Variants in RGMA observed in about 807,000 individuals in gnomAD.
RGMA encodes repulsive guidance molecule BMP co-receptor a.
A neutral mutation model predicts 23.2 loss-of-function variants in RGMA; 10 were observed. The ratio of observed to expected loss-of-function variants is 0.43; its 90% confidence interval spans 0.27 to 0.73. RGMA has a LOEUF of 0.73. Among genes scored for constraint, RGMA ranks in the 30% least tolerant of loss-of-function variants. RGMA has a pLI of 0.20. For synonymous variants in RGMA, 308 were observed against 279.3 expected, an observed-to-expected ratio of 1.10 and a Z score of -1.03; for missense variants, 547 against 630.5, an observed-to-expected ratio of 0.87 and a Z score of 1.42.
At chr15:93,074,854 A>G (rs1300723158) in intron 1 of RGMA, among the ~76,000 whole-genome samples, 1 of 152,216 alleles carries the variant, frequency 6.6e-6, no homozygotes, top group African/African-American at 2.4e-5. Context: ...CCTTTCCACT[A>G]ATTAACACCA....
In RGMA at chr15:93,036,654, T is replaced by C. The variant is rs1287139509; in HGVS notation, c.*8344A>G. 2 of 152,244 alleles carry C rather than the reference T, an allele frequency of 1.3e-5. No homozygotes were observed. The highest frequency in any genetic ancestry group is 4.8e-5 in the African/African-American group (2 of 41,450). The allele number at this position is 152,244 out of a possible 1,614,324, so 9.4% of individuals were successfully genotyped here. On this transcript the variant is annotated 3_prime_UTR_variant, in exon 4 of 4. Transcript: ENST00000329082. Reference sequence around the variant, plus strand: ...GCTCACCCCAGAACCAGAGCCCTGGTTTGACTCCGCCCCTGCTGTGGGGCT... The same window carrying C: ...GCTCACCCCAGAACCAGAGCCCTGGCTTGACTCCGCCCCTGCTGTGGGGCT...
In RGMA at chr15:93,045,392, G is replaced by A. The variant is rs554324171; in HGVS notation, c.959C>T (p.Pro320Leu). The A allele has an allele frequency of 6.2e-7, 1 of 1,613,158 alleles. No homozygotes were observed. The change falls in exon 4 of 4, where the codon CCC becomes CTC. Residue 320 changes from proline (P) to leucine (L), a missense_variant. Physicochemically the swap from Pro to Leu is moderately conservative, Grantham distance 98. Coordinates refer to ENST00000329082, the MANE Select transcript of RGMA (RefSeq NM_020211.3). This position sits in a 1 kb window ranked among gnomAD's most constrained non-coding sequence, Gnocchi z 6.9. ...QGLYLCLRGC[P>L]LNQQIDFQAF... Reference sequence around the variant, plus strand: ...CTGGAAGTCGATCTGCTGGTTGAGGGGGCAGCCCCGCAGGCAGAGGTAGAG... The same window carrying A: ...CTGGAAGTCGATCTGCTGGTTGAGGAGGCAGCCCCGCAGGCAGAGGTAGAG...
chr15:93,070,419 G>A (rs1246537342), intron 2 of RGMA, among the ~76,000 whole-genome samples: 9 of 152,166 alleles, frequency 5.9e-5, no homozygotes, highest in African/African-American at 2.2e-4. Context: ...GGCCCCCAGT[G>A]TGTCTGGGTG....
Position 93,081,609 on chromosome 15 carries a change from C to G in RGMA, c.14+7310G>C, listed in dbSNP as rs74838183. 9.2e-5 allele frequency among the ~76,000 whole-genome samples: 14 copies of G among 152,334 alleles called. No individual in the cohort carries two copies. In the East Asian group the frequency reaches 2.5e-3, roughly 27 times the overall value. On this transcript the variant is annotated intron_variant, in intron 1 of 3. Coordinates refer to ENST00000329082, the MANE Select transcript of RGMA (RefSeq NM_020211.3). Reference sequence around the variant, plus strand: ...CTTGGGAGAAGAACTGTCTTGGAACCATTTATCCACCAAATGGCAACTGTC... The same window carrying G: ...CTTGGGAGAAGAACTGTCTTGGAACGATTTATCCACCAAATGGCAACTGTC...
chr15:93,080,487 C>T (rs1320515242), intron 1 of RGMA, among the ~76,000 whole-genome samples: 1 of 152,214 alleles, frequency 6.6e-6, no homozygotes, highest in Non-Finnish European at 1.5e-5. Context: ...GAGGTTTGGG[C>T]AGCTCTGGGT....
Position 93,045,660 on chromosome 15 carries a change from C to A in RGMA, c.691G>T (p.Val231Leu). 6.2e-7 allele frequency: 1 copy of A among 1,608,796 alleles called. No homozygotes were observed. ...KNFQECVDQK[V>L]YQAEMDELPA... ...AGCTCGTCCATCTCAGCCTGGTACA[C>A]CTTCTGGTCCACACACTCCTGGAAG... Residue 231 changes from valine (V) to leucine (L), a missense_variant, in exon 4 of 4, where the codon GTG becomes TTG. Val to Leu is a conservative substitution (Grantham distance 32). Coordinates refer to ENST00000329082, the MANE Select transcript of RGMA (RefSeq NM_020211.3). The surrounding 1 kb of genome is among the most constrained non-coding windows in gnomAD (Gnocchi z 6.9).
intron 2 of RGMA, among the ~76,000 whole-genome samples, chr15:93,067,197 C>T (rs573303218): frequency 1.3e-5 from 2 of 152,166 alleles, no homozygotes; most frequent in Non-Finnish European, 1.5e-5. Context: ...ATTACTTATC[C>T]CTTTCAGCTT....
intron 2 of RGMA, among the ~76,000 whole-genome samples, chr15:93,060,308 C>T (rs905435525): frequency 2.0e-5 from 3 of 152,196 alleles, no homozygotes; most frequent in African/African-American, 7.2e-5. Context: ...GTATTATGTG[C>T]ACTGCATGTC....
chr15:93,088,132 T>C, intron 1 of RGMA: 2 of 493,578 alleles, frequency 4.1e-6, no homozygotes, highest in Non-Finnish European at 5.3e-6. Context: ...CAGGCTCCCA[T>C]TAGAAATCTC....
rs1002402824 is a variant in RGMA at position 93,037,503 on chromosome 15, G to A, written c.*7495C>T. On this transcript the variant is annotated 3_prime_UTR_variant, in exon 4 of 4. Transcript: ENST00000329082. The surrounding 1 kb of genome is among the most constrained non-coding windows in gnomAD (Gnocchi z 4.3). ...TTGACGGGGTGCTTTGGGGACTGCTGCTTCCCATATTGCCAACTGCCTTAT... is the reference window on the plus strand; with the variant it reads ...TTGACGGGGTGCTTTGGGGACTGCTACTTCCCATATTGCCAACTGCCTTAT... The A allele has an allele frequency of 6.6e-6, 1 of 152,404 alleles. No individual in the cohort carries two copies. Among genetic ancestry groups the A allele is most frequent in the Non-Finnish European group, 1.5e-5 (1 of 68,174 alleles). 9.4% of individuals were successfully genotyped at this position (152,404 alleles called of 1,614,324 possible).
chr15:93,075,818 CT>C (rs755683311), intron 1 of RGMA, among the ~76,000 whole-genome samples: 115 of 152,104 alleles, frequency 7.6e-4, no homozygotes, highest in Middle Eastern at 6.8e-3. Context: ...GCACAAAAGG[CT>C]TTTTTTCCCC....
chr15:93,062,607 G>A (rs1179368175), intron 2 of RGMA: 1 of 152,284 alleles, frequency 6.6e-6, no homozygotes, highest in East Asian at 1.9e-4. Flanking sequence ...TTGCTCTCTG[G>A]TGCAGGGATT....
At chr15:93,074,900 A>G (rs1895445890) in intron 1 of RGMA, among the ~76,000 whole-genome samples, 1 of 152,202 alleles carries the variant, frequency 6.6e-6, no homozygotes, top group African/African-American at 2.4e-5. Context: ...CTAGTTCTAG[A>G]GTCTCTCGCC....
At position 93,035,330 on chromosome 15, in the gene RGMA, T is replaced by TGAG. The variant is rs745629888; in HGVS notation, c.*9665_*9667dup. 2 of 152,196 alleles carry TGAG rather than the reference T, an allele frequency of 1.3e-5. No homozygotes were observed. The highest frequency in any genetic ancestry group is 2.9e-5 in the Non-Finnish European group (2 of 68,100). 9.4% of individuals were successfully genotyped at this position (152,196 alleles called of 1,614,324 possible). ...TAAAGACAGTAAGAAAGACTTTATTTGAGGTGGGGGGCAGTGTTGGACAGG... is the reference window on the plus strand; with the variant it reads ...TAAAGACAGTAAGAAAGACTTTATTTGAGGAGGTGGGGGGCAGTGTTGGACAGG... On this transcript the variant is annotated 3_prime_UTR_variant, in exon 4 of 4. Coordinates refer to ENST00000329082, the MANE Select transcript of RGMA (RefSeq NM_020211.3).
chr15:93,065,800 G>A, intron 2 of RGMA: 1 of 955,624 alleles, frequency 1.0e-6, no homozygotes, highest in African/African-American at 1.6e-5. Flanking sequence ...GGGGTGGTCT[G>A]GGCCAGAATT....
rs7164830 is a variant in RGMA, at chr15:93,041,591, G to T, written c.*3407C>A. On this transcript the variant is annotated 3_prime_UTR_variant, in exon 4 of 4. Coordinates refer to ENST00000329082, the MANE Select transcript of RGMA (RefSeq NM_020211.3). ...GTGGCTAGTGCCATTTAGCATTTTC[G>T]TCTAGTAGAGATTTCTTTTTTCTTT... The T allele has an allele frequency of 1.3e-5, 2 of 152,226 alleles. No individual in the cohort carries two copies. Among genetic ancestry groups the T allele is most frequent in the East Asian group, 3.8e-4 (2 of 5,198 alleles). 9.4% of individuals were successfully genotyped at this position (152,226 alleles called of 1,614,324 possible).
At chr15:93,050,885 G>A (rs1043792489) in intron 3 of RGMA, among the ~76,000 whole-genome samples, 5 of 152,128 alleles carry the variant, frequency 3.3e-5, no homozygotes, top group Middle Eastern at 3.2e-3. Flanking sequence ...GGCTCCTGGC[G>A]TCCGTCTGTC....
chr15:93,072,106 C>A (rs1324151515), intron 2 of RGMA, among the ~76,000 whole-genome samples: 1 of 151,552 alleles, frequency 6.6e-6, no homozygotes, highest in African/African-American at 2.4e-5. Context: ...ATGCCTCCCC[C>A]CTCCCCCCGA....
chr15:93,077,378 G>A (rs1257132393), intron 1 of RGMA, among the ~76,000 whole-genome samples: 1 of 152,210 alleles, frequency 6.6e-6, no homozygotes, highest in African/African-American at 2.4e-5. Flanking sequence ...TCCCTTAGGC[G>A]ATTCATGTCT....
Sources: gnomAD v4.1 joint callset for allele counts (sites outside exome capture counted in the v4.1 genomes callset) on GRCh38, gnomAD v4.1.1 for gene constraint, Gnocchi (gnomAD v3.1) non-coding constraint, MANE v1.5 for transcripts, NCBI Gene and HGNC (gene_info 2026-07-23, HGNC 2026-07-21) for gene names.